Variants in ARHGAP26 observed in about 807,000 individuals in gnomAD.
The protein encoded by ARHGAP26 is rho GTPase-activating protein 26.
ARHGAP26 carries 38 observed loss-of-function variants against 104.8 expected under a neutral mutation model. The observed-to-expected ratio is 0.36, with a 90% confidence interval of 0.28 to 0.48. ARHGAP26 has a LOEUF of 0.48. ARHGAP26 is among the 20% of genes least tolerant of loss of function. The pLI is 0.99. For missense variants in ARHGAP26, 704 were observed against 947.9 expected (o/e 0.74, Z 3.38); for synonymous variants, 341 against 340.0 (o/e 1.00, Z -0.03).
At chr5:142,811,254 G>T (rs908159370) in intron 1 of ARHGAP26, among the ~76,000 whole-genome samples, 1 of 152,132 alleles carries the variant, frequency 6.6e-6, no homozygotes, top group Non-Finnish European at 1.5e-5. Flanking sequence ...CTGGCCCCTT[G>T]AATAACTTCA....
At chr5:142,826,003 C>G (rs1376619185) in intron 1 of ARHGAP26, among the ~76,000 whole-genome samples, 1 of 152,112 alleles carries the variant, frequency 6.6e-6, no homozygotes, top group Non-Finnish European at 1.5e-5. Context: ...GATAGAAGAC[C>G]TAGATTTTCT....
intron 11 of ARHGAP26, among the ~76,000 whole-genome samples, chr5:142,995,828 A>C (rs1394692370): frequency 6.6e-6 from 1 of 152,250 alleles, no homozygotes; most frequent in Non-Finnish European, 1.5e-5. Flanking sequence ...AATACTATGC[A>C]GCCATAAAAA....
At chr5:143,095,788 T>A (rs1792216649) in intron 17 of ARHGAP26, among the ~76,000 whole-genome samples, 1 of 152,116 alleles carries the variant, frequency 6.6e-6, no homozygotes, top group South Asian at 2.1e-4. Flanking sequence ...GGCCAGGCTG[T>A]CTCAAACTCC....
intron 17 of ARHGAP26, among the ~76,000 whole-genome samples, chr5:143,082,256 G>A (rs1179938974): frequency 2.0e-5 from 3 of 152,014 alleles, no homozygotes; most frequent in African/African-American, 4.8e-5. Flanking sequence ...TCACCCTGGA[G>A]GTGTTAGGAA....
intron 5 of ARHGAP26, among the ~76,000 whole-genome samples, chr5:142,893,797 A>G (rs1462493177): frequency 6.6e-6 from 1 of 152,162 alleles, no homozygotes; most frequent in East Asian, 1.9e-4. Flanking sequence ...TTGAGATGAT[A>G]TCTCATTTTG....
chr5:142,811,985 C>T (rs1262377627), intron 1 of ARHGAP26, among the ~76,000 whole-genome samples: 1 of 152,182 alleles, frequency 6.6e-6, no homozygotes, highest in Non-Finnish European at 1.5e-5. Context: ...CTCCTGGTCA[C>T]CTCCTGAAAT....
intron 18 of ARHGAP26, among the ~76,000 whole-genome samples, chr5:143,129,079 A>G (rs1479672190): frequency 6.6e-6 from 1 of 152,272 alleles, no homozygotes; most frequent in Non-Finnish European, 1.5e-5. Flanking sequence ...ATGCTCTGCA[A>G]TGTCAAGATG....
chr5:142,935,498 C>T (rs1765284737), intron 11 of ARHGAP26, among the ~76,000 whole-genome samples: 1 of 152,184 alleles, frequency 6.6e-6, no homozygotes, highest in Non-Finnish European at 1.5e-5. Flanking sequence ...TTTACAAAAA[C>T]AGATGGCTGG....
rs1758089207 is a variant in ARHGAP26 at position 142,888,867 on chromosome 5, G to C, written c.486+3468G>C. ...TTTCATGGAAATTACAATCTAGGAG[G>C]AAGTCTCTTTTCCAAGAAACGCAGA... On this transcript the variant is annotated intron_variant, in intron 5 of 22. Transcript: ENST00000645722. 3.3e-5 allele frequency among the ~76,000 whole-genome samples: 5 copies of C among 152,246 alleles called. No individual in the cohort carries two copies. In the South Asian group the frequency reaches 8.3e-4, roughly 25 times the overall value.
At chr5:142,943,941 T>C (rs1432624224) in intron 11 of ARHGAP26, among the ~76,000 whole-genome samples, 1 of 152,210 alleles carries the variant, frequency 6.6e-6, no homozygotes, top group East Asian at 1.9e-4. Flanking sequence ...TTAATTTGCT[T>C]GAATTTTTCA....
intron 11 of ARHGAP26, among the ~76,000 whole-genome samples, chr5:142,997,752 C>CTT (rs376062186): frequency 6.9e-6 from 1 of 145,174 alleles, no homozygotes; most frequent in African/African-American, 2.5e-5. Context: ...TTTAGTGCTA[C>CTT]TTTTTTTTTT....
chr5:142,833,777 C>T (rs1271123048), intron 1 of ARHGAP26, among the ~76,000 whole-genome samples: 4 of 152,158 alleles, frequency 2.6e-5, no homozygotes, highest in South Asian at 2.1e-4. Flanking sequence ...TGTAATCTAC[C>T]AAGAGAGGCA....
chr5:142,875,805 A>G (rs1170353479), intron 3 of ARHGAP26, among the ~76,000 whole-genome samples: 2 of 152,210 alleles, frequency 1.3e-5, no homozygotes, highest in South Asian at 2.1e-4. Context: ...CAGTGGTACC[A>G]TCATAGCTCA....
chr5:143,086,820 A>G (rs1790649080), intron 17 of ARHGAP26, among the ~76,000 whole-genome samples: 1 of 152,186 alleles, frequency 6.6e-6, no homozygotes, highest in Non-Finnish European at 1.5e-5. Context: ...TTTAGTTGAT[A>G]TGGAGGGGGG....
intron 20 of ARHGAP26, among the ~76,000 whole-genome samples, chr5:143,161,197 A>T (rs1337712159): frequency 2.6e-5 from 4 of 151,896 alleles, no homozygotes; most frequent in Non-Finnish European, 2.9e-5. Flanking sequence ...TTTTTAGCAG[A>T]GACGGGGTTT....
chr5:142,889,040 C>T lies in ARHGAP26; in HGVS notation c.486+3641C>T, dbSNP rs1049811050. On this transcript the variant is annotated intron_variant, in intron 5 of 22. Coordinates refer to ENST00000645722, the MANE Select transcript of ARHGAP26 (RefSeq NM_001135608.3). ...CCAAGGATGTGATGGATTCTGTGGCCCACACCATTCTGGGGCATTGGCAAG... is the reference window on the plus strand; with the variant it reads ...CCAAGGATGTGATGGATTCTGTGGCTCACACCATTCTGGGGCATTGGCAAG... Among the ~76,000 whole-genome samples, 3 of 152,114 alleles carry T rather than the reference C, an allele frequency of 2.0e-5. No individual in the cohort carries two copies. The East Asian group carries it at 5.8e-4, about 29-fold the overall frequency.
chr5:142,925,465 A>G (rs959712998), intron 10 of ARHGAP26, among the ~76,000 whole-genome samples: 1 of 152,238 alleles, frequency 6.6e-6, no homozygotes, highest in Non-Finnish European at 1.5e-5. Flanking sequence ...TCTCATAAAC[A>G]GACATGGAAA....
At chr5:142,772,692 A>G in intron 1 of ARHGAP26, 1 of 526,774 alleles carries the variant, frequency 1.9e-6, no homozygotes, top group East Asian at 5.5e-5. Flanking sequence ...CAGCAGGACC[A>G]GAGCTTTTGA....
intron 6 of ARHGAP26, among the ~76,000 whole-genome samples, chr5:142,895,808 C>T (rs1759399543): frequency 6.6e-6 from 1 of 152,112 alleles, no homozygotes; most frequent in African/African-American, 2.4e-5. Context: ...AACTGGGCAA[C>T]ATAGTGAGAC....
Sources: gnomAD v4.1 joint callset for allele counts (sites outside exome capture counted in the v4.1 genomes callset) on GRCh38, gnomAD v4.1.1 for gene constraint, MANE v1.5 for transcripts, NCBI Gene and HGNC (gene_info 2026-07-23, HGNC 2026-07-21) for gene names.